The following ACYP2 variants were observed in gnomAD, a reference collection of about 807,000 sequenced individuals.
ACYP2 encodes the protein acylphosphatase-2.
A neutral mutation model predicts 11.2 loss-of-function variants in ACYP2; 12 were observed. That is an observed-to-expected ratio of 1.08 (90% CI 0.69 to 1.74). The LOEUF (loss-of-function observed/expected upper bound fraction) is 1.74. Among genes scored for constraint, ACYP2 ranks in the 40% most tolerant of loss-of-function variants. The pLI is 0.00. For missense variants in ACYP2, 134 were observed against 101.9 expected, an observed-to-expected ratio of 1.31 and a Z score of -1.35; for synonymous variants, 43 against 32.2, an observed-to-expected ratio of 1.33 and a Z score of -1.13.
chr2:54,169,836 C>A (rs961405263), intron 6 of ACYP2, among the ~76,000 whole-genome samples: 3 of 152,142 alleles, frequency 2.0e-5, no homozygotes, highest in African/African-American at 4.8e-5. Context: ...CCTCTTCAAC[C>A]CATCCCATCC....
At chr2:54,014,108 A>G (rs925082559) in intron 2 of ACYP2, among the ~76,000 whole-genome samples, 2 of 151,948 alleles carry the variant, frequency 1.3e-5, no homozygotes, top group African/African-American at 4.8e-5. Flanking sequence ...CAGTGAGCTG[A>G]GATCGCACTG....
intron 2 of ACYP2, among the ~76,000 whole-genome samples, chr2:54,035,032 A>AAAAAAAAAAAAAAAAAAAAC (rs1674812425): frequency 6.9e-6 from 1 of 144,058 alleles, no homozygotes; most frequent in Non-Finnish European, 1.5e-5. Flanking sequence ...AAAAAAAAAA[A>AAAAAAAAAAAAAAAAAAAAC]GCCTAGACTC....
At chr2:54,246,015 T>C (rs1421778602) in intron 6 of ACYP2, among the ~76,000 whole-genome samples, 2 of 152,164 alleles carry the variant, frequency 1.3e-5, no homozygotes, top group Non-Finnish European at 2.9e-5. Flanking sequence ...TTTAATCCAC[T>C]TGAAGTTGAT....
chr2:54,084,570 G>C (rs1677843748), intron 4 of ACYP2: 1 of 152,222 alleles, frequency 6.6e-6, no homozygotes, highest in African/African-American at 2.4e-5. Context: ...GGGATTACAG[G>C]CATGAGCCAC....
Position 54,304,862 on chromosome 2 carries a change from A to G in ACYP2, c.*60A>G. The G allele has an allele frequency of 2.1e-6, 2 of 937,066 alleles. No homozygotes were observed. The highest frequency in any genetic ancestry group is 3.2e-6 in the Non-Finnish European group (2 of 620,156). The allele number at this position is 937,066 out of a possible 1,614,324, so 58.0% of individuals were successfully genotyped here. A position where few individuals can be genotyped will look rare whatever the true frequency, so the allele number is the denominator to read the frequency against. ...ATACTGTATGTTCTTAAGACTATGT[A>G]TACTAGAATAATAGTAGCAGAGTAG... is the stretch of plus-strand genomic sequence containing the variant. On this transcript the variant is annotated 3_prime_UTR_variant, in exon 7 of 7. Transcript: ENST00000607452.
intron 4 of ACYP2, among the ~76,000 whole-genome samples, chr2:54,072,381 C>T (rs1355313539): frequency 6.6e-6 from 1 of 152,098 alleles, no homozygotes; most frequent in East Asian, 1.9e-4. Context: ...TCACAGTTCA[C>T]TGCAGTCTTC....
intron 2 of ACYP2, among the ~76,000 whole-genome samples, chr2:54,031,714 A>G (rs1418143271): frequency 2.6e-5 from 4 of 152,164 alleles, no homozygotes; most frequent in Non-Finnish European, 5.9e-5. Flanking sequence ...GTCTTCCACA[A>G]TGGTTGAACT....
rs572766319 is a variant in ACYP2, at chr2:54,236,219, G to C, written c.405-68469G>C. On this transcript the variant is annotated intron_variant, in intron 6 of 6. Transcript: ENST00000607452. ...CCAAAGTGCTGGGATTACTAAATAG[G>C]TGTGAGCCACTGTGCCCAGCCTATT... 2.2e-4 allele frequency among the ~76,000 whole-genome samples: 34 copies of C among 152,110 alleles called. No homozygotes were observed. In the South Asian group the frequency reaches 7.1e-3, roughly 32 times the overall value.
intron 4 of ACYP2, among the ~76,000 whole-genome samples, chr2:54,081,378 G>A (rs987739461): frequency 2.0e-5 from 3 of 152,156 alleles, no homozygotes; most frequent in African/African-American, 7.2e-5. Context: ...GGCCCGCCTA[G>A]AAAACGGTAG....
chr2:54,055,365 A>G (rs554398600), intron 3 of ACYP2, among the ~76,000 whole-genome samples: 1 of 152,100 alleles, frequency 6.6e-6, no homozygotes, highest in Non-Finnish European at 1.5e-5. Flanking sequence ...TTTTTCCTAA[A>G]TCATGTGTCA....
intron 4 of ACYP2, among the ~76,000 whole-genome samples, chr2:54,122,216 A>G (rs1171015880): frequency 2.0e-5 from 3 of 152,244 alleles, no homozygotes; most frequent in African/African-American, 7.2e-5. Flanking sequence ...AGGATTTTAC[A>G]TGAAAAGGTG....
At chr2:54,089,541 C>G (rs1450537992) in intron 4 of ACYP2, among the ~76,000 whole-genome samples, 1 of 151,690 alleles carries the variant, frequency 6.6e-6, no homozygotes, top group Non-Finnish European at 1.5e-5. Flanking sequence ...AGTTCGAGAC[C>G]AGCCTGGGCA....
Position 54,214,132 on chromosome 2 carries a change from G to A in ACYP2, c.404+75384G>A, listed in dbSNP as rs920680388. Among the ~76,000 whole-genome samples the A allele has an allele frequency of 2.0e-5, 3 of 151,990 alleles. No homozygotes were observed. The South Asian group carries it at 6.2e-4, about 32-fold the overall frequency. On this transcript the variant is annotated intron_variant, in intron 6 of 6. Coordinates refer to ENST00000607452, the MANE Select transcript of ACYP2 (RefSeq NM_001320586.2). ...TTCGTTTAAGTTCCTTATAGATTCT[G>A]GATATTCGAGCTTTGTTGGATGCAT...
At chr2:54,165,922 T>C (rs1480777658) in intron 6 of ACYP2, among the ~76,000 whole-genome samples, 6 of 152,328 alleles carry the variant, frequency 3.9e-5, no homozygotes, top group Non-Finnish European at 5.9e-5. Context: ...TGTAAGCATA[T>C]TGAATCAGAG....
chr2:54,052,812 G>C (rs778734845), intron 3 of ACYP2, among the ~76,000 whole-genome samples: 3 of 152,202 alleles, frequency 2.0e-5, no homozygotes, highest in Non-Finnish European at 2.9e-5. Context: ...ATGGAAGTAG[G>C]TGGCCCATGA....
At chr2:54,052,418 T>C (rs1444361116) in intron 3 of ACYP2, among the ~76,000 whole-genome samples, 1 of 152,066 alleles carries the variant, frequency 6.6e-6, no homozygotes, top group East Asian at 1.9e-4. Context: ...GGGTTGTAAA[T>C]TGGCATGGAA....
At chr2:54,255,948 G>A in intron 6 of ACYP2, 4 of 1,614,064 alleles carry the variant, frequency 2.5e-6, no homozygotes, top group Non-Finnish European at 3.4e-6. Flanking sequence ...GGAAAGTATG[G>A]CCACCATCTG....
At chr2:54,162,764 G>C (rs921038898) in intron 6 of ACYP2, among the ~76,000 whole-genome samples, 4 of 152,074 alleles carry the variant, frequency 2.6e-5, no homozygotes, top group Admixed American at 6.6e-5. Flanking sequence ...CCAGGAGTTG[G>C]AGACCAGCCT....
intron 6 of ACYP2, among the ~76,000 whole-genome samples, chr2:54,283,011 A>AT (rs1440522673): frequency 5.9e-5 from 9 of 152,334 alleles, no homozygotes; most frequent in African/African-American, 2.2e-4. Flanking sequence ...GAATGAAAAT[A>AT]TTTCTAACAT....
Sources: allele counts gnomAD v4.1 joint callset (sites outside exome capture counted in the v4.1 genomes callset), GRCh38; gene constraint gnomAD v4.1.1; transcripts MANE v1.5; gene names NCBI Gene and HGNC (gene_info 2026-07-23, HGNC 2026-07-21).